Variants in ROBO1 observed in about 807,000 individuals in gnomAD.
ROBO1 encodes the protein roundabout guidance receptor 1, also known as roundabout homolog 1.
ROBO1 carries 149 observed loss-of-function variants against 195.9 expected under a neutral mutation model. The observed-to-expected ratio is 0.76, with a 90% CI of 0.67 to 0.87. The LOEUF (loss-of-function observed/expected upper bound fraction) is 0.87, where lower values mean the gene tolerates loss of function less well. Ranked by LOEUF, ROBO1 falls within the 40% of genes least tolerant of loss-of-function variation. ROBO1 has a pLI of 0.00. For missense variants in ROBO1, 1,933 were observed against 2,068.3 expected (o/e 0.93, Z 1.27); for synonymous variants, 816 against 733.2 (o/e 1.11, Z -1.82).
At chr3:78,742,877 A>G (rs1434557593) in intron 5 of ROBO1, among the ~76,000 whole-genome samples, 1 of 152,214 alleles carries the variant, frequency 6.6e-6, no homozygotes, top group Non-Finnish European at 1.5e-5. Context: ...CTCTTTAATT[A>G]GAGGACAGCA....
intron 2 of ROBO1, among the ~76,000 whole-genome samples, chr3:79,252,847 C>T (rs1399481814): frequency 1.3e-5 from 2 of 152,062 alleles, no homozygotes; most frequent in African/African-American, 2.4e-5. Context: ...CACACATATG[C>T]AATCATATCA....
intron 2 of ROBO1, among the ~76,000 whole-genome samples, chr3:79,392,414 T>C (rs1484312032): frequency 6.6e-6 from 1 of 152,164 alleles, no homozygotes. Context: ...ATGGAGTCTA[T>C]TTCTGTAATA....
chr3:79,576,763 C>T (rs182677564), intron 2 of ROBO1, among the ~76,000 whole-genome samples: 20 of 152,108 alleles, frequency 1.3e-4, no homozygotes, highest in African/African-American at 4.8e-4. Context: ...CAGCTGGGTA[C>T]AAATAGAAAA....
chr3:79,079,847 A>G (rs1160369790), intron 3 of ROBO1, among the ~76,000 whole-genome samples: 1 of 151,886 alleles, frequency 6.6e-6, no homozygotes, highest in East Asian at 1.9e-4. Flanking sequence ...GTCCATTTTT[A>G]AAAGTACCAG....
intron 1 of ROBO1, among the ~76,000 whole-genome samples, chr3:79,601,935 G>A (rs756176599): frequency 2.6e-5 from 4 of 151,880 alleles, no homozygotes; most frequent in Non-Finnish European, 4.4e-5. Context: ...ATTATATGGG[G>A]TTGGAATTTT....
intron 2 of ROBO1, among the ~76,000 whole-genome samples, chr3:79,245,206 A>C (rs1302916691): frequency 6.6e-6 from 1 of 152,104 alleles, no homozygotes; most frequent in Admixed American, 6.6e-5. Context: ...AAACTCATTC[A>C]TCTGGACAGA....
chr3:79,140,856 T>C (rs1172029474), intron 2 of ROBO1, among the ~76,000 whole-genome samples: 3 of 149,178 alleles, frequency 2.0e-5, no homozygotes, highest in Admixed American at 6.6e-5. Context: ...TTACACGGAA[T>C]ACCCCACTGA....
At chr3:78,918,910 T>A (rs1245351116) in intron 4 of ROBO1, among the ~76,000 whole-genome samples, 1 of 152,146 alleles carries the variant, frequency 6.6e-6, no homozygotes, top group Non-Finnish European at 1.5e-5. Flanking sequence ...GTAACCTAAT[T>A]CTTCAACACA....
chr3:79,373,212 G>A (rs1030927347), intron 2 of ROBO1, among the ~76,000 whole-genome samples: 24 of 152,116 alleles, frequency 1.6e-4, no homozygotes, highest in African/African-American at 5.8e-4. Flanking sequence ...AAGAAGTAAA[G>A]CTAATGATGT....
intron 1 of ROBO1, among the ~76,000 whole-genome samples, chr3:79,725,223 C>CT (rs35418345): frequency 0.24 from 25,099 of 106,418 alleles, 3,952 homozygotes; most frequent in African/African-American, 0.31. Context: ...CTCTCTTCTT[C>CT]TTTTTTTTTT....
intron 2 of ROBO1, among the ~76,000 whole-genome samples, chr3:79,255,662 G>T (rs2082820457): frequency 1.3e-5 from 2 of 152,160 alleles, no homozygotes; most frequent in Non-Finnish European, 2.9e-5. Flanking sequence ...GTATAGGTAA[G>T]CACATATTCA....
intron 2 of ROBO1, among the ~76,000 whole-genome samples, chr3:79,557,592 G>A (rs76092085): frequency 6.6e-6 from 1 of 151,594 alleles, no homozygotes; most frequent in Non-Finnish European, 1.5e-5. Flanking sequence ...AAATTAGCCA[G>A]GTTTGGTAGT....
chr3:78,740,533 G>A lies in ROBO1; in HGVS notation c.657+6210C>T, dbSNP rs550596263. Among the ~76,000 whole-genome samples the A allele has an allele frequency of 3.0e-3, 454 of 149,316 alleles. 5 individuals are homozygous for A. The Middle Eastern group carries it at 0.031, about 10-fold the overall frequency. On this transcript the variant is annotated intron_variant, in intron 5 of 30. Transcript: ENST00000464233. ...GTTGCCCAGGCTGGAGTGCAATGGC[G>A]CGACCTCGGCTCACTGCAACCTCTG...
intron 2 of ROBO1, among the ~76,000 whole-genome samples, chr3:79,145,214 A>G (rs1278357279): frequency 6.6e-6 from 1 of 151,926 alleles, no homozygotes; most frequent in Non-Finnish European, 1.5e-5. Flanking sequence ...AACCTCAGGT[A>G]ATTTACTATA....
At chr3:78,859,008 G>GT (rs1270729297) in intron 4 of ROBO1, among the ~76,000 whole-genome samples, 1 of 152,006 alleles carries the variant, frequency 6.6e-6, no homozygotes, top group Non-Finnish European at 1.5e-5. Flanking sequence ...CTCAACGTGC[G>GT]TAAATCACTC....
chr3:79,174,467 C>T (rs1425636732), intron 2 of ROBO1, among the ~76,000 whole-genome samples: 2 of 152,136 alleles, frequency 1.3e-5, no homozygotes, highest in African/African-American at 4.8e-5. Context: ...GTAACACTCA[C>T]CGCGAGGGTC....
chr3:78,985,556 T>C lies in ROBO1; in HGVS notation c.173-46629A>G, dbSNP rs370420468. On this transcript the variant is annotated intron_variant, in intron 3 of 30. Transcript: ENST00000464233. ...TGTAATTTTATTTGGTAGCAGGGTT[T>C]CTCAGACTTGGCACTACTGACATTT... Among the ~76,000 whole-genome samples, 9 of 152,140 alleles carry C rather than the reference T, an allele frequency of 5.9e-5. No homozygotes were observed. The East Asian group carries it at 9.7e-4, about 16-fold the overall frequency.
intron 4 of ROBO1, among the ~76,000 whole-genome samples, chr3:78,830,075 C>G (rs566089317): frequency 3.9e-5 from 6 of 152,138 alleles, no homozygotes; most frequent in African/African-American, 1.4e-4. Flanking sequence ...TAATCATCAT[C>G]CAATTTCTAT....
At chr3:78,942,294 G>C (rs1327766402) in intron 3 of ROBO1, among the ~76,000 whole-genome samples, 1 of 152,008 alleles carries the variant, frequency 6.6e-6, no homozygotes, top group Non-Finnish European at 1.5e-5. Flanking sequence ...GGGAGACACT[G>C]TCTCAAAGAT....
Sources: allele counts gnomAD v4.1 joint callset (sites outside exome capture counted in the v4.1 genomes callset), GRCh38; gene constraint gnomAD v4.1.1; transcripts MANE v1.5; gene names NCBI Gene and HGNC (gene_info 2026-07-23, HGNC 2026-07-21).